The following CMIP variants were observed in gnomAD, a reference collection of about 807,000 sequenced individuals.
CMIP encodes the protein c-Maf inducing protein, also known as C-Maf-inducing protein.
Under a neutral mutation model 97.3 loss-of-function variants are expected in CMIP, and 13 were observed. The ratio of observed to expected loss-of-function variants is 0.13; its 90% CI spans 0.09 to 0.21. The LOEUF (loss-of-function observed/expected upper bound fraction) is 0.21. Among genes scored for constraint, CMIP ranks in the 10% least tolerant of loss-of-function variants. The probability of loss-of-function intolerance (pLI) is 1.00; values close to 1 mark genes in which losing one functional copy is unlikely to be tolerated. For missense variants in CMIP, 847 were observed against 1,024.9 expected, an observed-to-expected ratio of 0.83 and a Z score of 2.37; for synonymous variants, 538 against 436.3, an observed-to-expected ratio of 1.23 and a Z score of -2.91.
intron 1 of CMIP, among the ~76,000 whole-genome samples, chr16:81,447,799 C>A (rs993415791): frequency 1.3e-5 from 2 of 152,218 alleles, no homozygotes; most frequent in East Asian, 3.8e-4. Flanking sequence ...GCCTCAGGGC[C>A]TGTGAGCCTG....
chr16:81,628,906 C>T (rs1379151970), intron 3 of CMIP, among the ~76,000 whole-genome samples: 10 of 151,940 alleles, frequency 6.6e-5, no homozygotes, highest in East Asian at 1.9e-4. Context: ...GAGGCCGAGG[C>T]GGGAGGATCA....
intron 1 of CMIP, among the ~76,000 whole-genome samples, chr16:81,509,884 G>A (rs2089778622): frequency 6.6e-6 from 1 of 152,218 alleles, no homozygotes. Flanking sequence ...ATGGAAGTGT[G>A]ATGGATCTGA....
chr16:81,579,728 AT>A (rs2091263373), intron 1 of CMIP, among the ~76,000 whole-genome samples: 2 of 152,096 alleles, frequency 1.3e-5, no homozygotes. Flanking sequence ...TTAAAAAAAA[AT>A]GGATCACGAG....
At chr16:81,607,352 G>A (rs961543194) in intron 1 of CMIP, among the ~76,000 whole-genome samples, 1 of 152,196 alleles carries the variant, frequency 6.6e-6, no homozygotes, top group Non-Finnish European at 1.5e-5. Flanking sequence ...ACCTCCAAAC[G>A]TGTGGGTGGA....
intron 1 of CMIP, among the ~76,000 whole-genome samples, chr16:81,447,443 T>A (rs1905929365): frequency 6.6e-6 from 1 of 151,830 alleles, no homozygotes. Context: ...CCCACTTACC[T>A]CCGATTGCTC....
intron 19 of CMIP, among the ~76,000 whole-genome samples, chr16:81,705,831 C>T (rs1182071335): frequency 1.3e-5 from 2 of 152,210 alleles, no homozygotes; most frequent in Non-Finnish European, 2.9e-5. Context: ...ATTCTAGAGG[C>T]AATAGAAAAA....
intron 1 of CMIP, among the ~76,000 whole-genome samples, chr16:81,589,511 C>T (rs142088279): frequency 1.1e-3 from 156 of 148,168 alleles, no homozygotes; most frequent in African/African-American, 3.9e-3. Flanking sequence ...CACCCTATGG[C>T]GAGTGCTTAT....
At chr16:81,522,149 G>A (rs908600093) in intron 1 of CMIP, among the ~76,000 whole-genome samples, 8 of 152,184 alleles carry the variant, frequency 5.3e-5, no homozygotes, top group Non-Finnish European at 2.9e-5. Context: ...CTTCTAGCTG[G>A]AATCCTATCA....
intron 1 of CMIP, among the ~76,000 whole-genome samples, chr16:81,541,984 T>C (rs1400705901): frequency 6.6e-6 from 1 of 152,246 alleles, no homozygotes; most frequent in African/African-American, 2.4e-5. Flanking sequence ...ACTCAGTCAC[T>C]GGTTCTAATA....
At chr16:81,670,349 A>G (rs780595192) in intron 8 of CMIP, 104 bp downstream of exon 8, 4 of 1,234,358 alleles carry the variant, frequency 3.2e-6, no homozygotes, top group Non-Finnish European at 4.6e-6. Context: ...TTAAATGAAG[A>G]CTCCCTCTAT....
At chr16:81,660,815 G>T in intron 5 of CMIP, 69 bp from the exon 6 acceptor site, 1 of 1,542,654 alleles carries the variant, frequency 6.5e-7, no homozygotes, top group South Asian at 1.1e-5. Flanking sequence ...AATATGGCCT[G>T]GAGATTGTTC....
At chr16:81,540,167 T>G (rs1439186613) in intron 1 of CMIP, among the ~76,000 whole-genome samples, 3 of 152,258 alleles carry the variant, frequency 2.0e-5, no homozygotes, top group African/African-American at 7.2e-5. Context: ...CCGAAAGTAC[T>G]TGCTCACCAG....
intron 1 of CMIP, among the ~76,000 whole-genome samples, chr16:81,448,879 T>A (rs1906032303): frequency 6.6e-6 from 1 of 152,238 alleles, no homozygotes; most frequent in Non-Finnish European, 1.5e-5. Context: ...CCCCATTCCC[T>A]CTTTGTACCC....
chr16:81,670,353 C>T (rs1293709528), intron 8 of CMIP, 108 bp downstream of exon 8: 13 of 1,191,242 alleles, frequency 1.1e-5, no homozygotes, highest in South Asian at 1.4e-5. Context: ...ATGAAGACTC[C>T]CTCTATGAGG....
At chr16:81,610,366 C>G in intron 2 of CMIP, 1 of 985,578 alleles carries the variant, frequency 1.0e-6, no homozygotes, top group Non-Finnish European at 1.2e-6. Context: ...CCCACTTGCT[C>G]ACTGCCCCCT....
At chr16:81,583,278 C>G (rs1191332012) in intron 1 of CMIP, among the ~76,000 whole-genome samples, 1 of 152,234 alleles carries the variant, frequency 6.6e-6, no homozygotes, top group African/African-American at 2.4e-5. Flanking sequence ...GCGAATGTCC[C>G]CACCCTGTCA....
intron 1 of CMIP, among the ~76,000 whole-genome samples, chr16:81,535,493 T>C (rs567728100): frequency 6.6e-6 from 1 of 151,210 alleles, no homozygotes; most frequent in East Asian, 1.9e-4. Context: ...TTTAAACAGC[T>C]GTTGTACGTT....
intron 1 of CMIP, among the ~76,000 whole-genome samples, chr16:81,535,992 G>A (rs541797159): frequency 7.2e-5 from 11 of 152,134 alleles, no homozygotes; most frequent in Non-Finnish European, 1.5e-4. Flanking sequence ...GGGAACCTCG[G>A]TGACAAGGGA....
chr16:81,570,460 T>C (rs1567585829), intron 1 of CMIP, among the ~76,000 whole-genome samples: 1 of 152,112 alleles, frequency 6.6e-6, no homozygotes, highest in Non-Finnish European at 1.5e-5. Flanking sequence ...AGCCTCGGTG[T>C]ATTTTTTTAG....
Sources: allele counts gnomAD v4.1 joint callset (sites outside exome capture counted in the v4.1 genomes callset), GRCh38; gene constraint gnomAD v4.1.1; transcripts MANE v1.5; gene names NCBI Gene and HGNC (gene_info 2026-07-23, HGNC 2026-07-21).